ATG7: variants seen among roughly 807,000 people sequenced by gnomAD.
ATG7 encodes ubiquitin-like modifier-activating enzyme ATG7.
Under a neutral mutation model 82.4 loss-of-function variants are expected in ATG7, and 70 were observed. That is an observed-to-expected ratio of 0.85 (90% confidence interval 0.70 to 1.04). ATG7 has a LOEUF of 1.04. Ranked by LOEUF, ATG7 falls within the 50% of genes least tolerant of loss-of-function variation. ATG7 has a pLI of 0.00. For synonymous variants in ATG7, 287 were observed against 313.0 expected, an observed-to-expected ratio of 0.92 and a Z score of 0.88; for missense variants, 792 against 864.3, an observed-to-expected ratio of 0.92 and a Z score of 1.05.
At chr3:11,501,019 C>T (rs2091280885) in intron 20 of ATG7, among the ~76,000 whole-genome samples, 1 of 152,198 alleles carries the variant, frequency 6.6e-6, no homozygotes, top group African/African-American at 2.4e-5. Flanking sequence ...CTTTGGGAAG[C>T]CAAGGTGCGA....
At chr3:11,475,890 C>CACACAA (rs977429696) in intron 20 of ATG7, among the ~76,000 whole-genome samples, 10 of 151,180 alleles carry the variant, frequency 6.6e-5, no homozygotes, top group Middle Eastern at 3.4e-3. Flanking sequence ...CACACACACA[C>CACACAA]ACACACACAC....
At chr3:11,464,638 TA>T (rs1012407006) in intron 20 of ATG7, among the ~76,000 whole-genome samples, 1 of 152,238 alleles carries the variant, frequency 6.6e-6, no homozygotes, top group African/African-American at 2.4e-5. Flanking sequence ...ACCATTTAAT[TA>T]AATATCCCCC....
chr3:11,337,783 C>T (rs1952781593), intron 11 of ATG7, among the ~76,000 whole-genome samples: 1 of 151,916 alleles, frequency 6.6e-6, no homozygotes, highest in African/African-American at 2.4e-5. Flanking sequence ...AGACATGAGC[C>T]CAGCATCTGT....
At chr3:11,533,781 A>T (rs772118145) in intron 20 of ATG7, among the ~76,000 whole-genome samples, 1 of 152,190 alleles carries the variant, frequency 6.6e-6, no homozygotes, top group Admixed American at 6.5e-5. Flanking sequence ...ATTTATCAGC[A>T]GAGAAACAGA....
At chr3:11,573,959 C>T in the ATG7 span, among the ~76,000 whole-genome samples, 2 of 152,070 alleles carry the variant, frequency 1.3e-5, no homozygotes, top group African/African-American at 4.8e-5. Context: ...CAGACACATA[C>T]GGAGGGAAGA....
At chr3:11,390,584 C>G (rs752763424) in intron 19 of ATG7, among the ~76,000 whole-genome samples, 2 of 152,096 alleles carry the variant, frequency 1.3e-5, no homozygotes, top group Non-Finnish European at 2.9e-5. Flanking sequence ...TTGATCTGTT[C>G]TTCTTGGGAA....
At chr3:11,486,442 G>A in intron 20 of ATG7, among the ~76,000 whole-genome samples, 1 of 152,120 alleles carries the variant, frequency 6.6e-6, no homozygotes, top group East Asian at 1.9e-4. Flanking sequence ...TTTGGGCTGA[G>A]ACAATGGGGA....
chr3:11,529,912 A>G (rs373592704), intron 20 of ATG7, among the ~76,000 whole-genome samples: 6 of 152,106 alleles, frequency 3.9e-5, no homozygotes, highest in African/African-American at 1.2e-4. Context: ...TACTCACCCT[A>G]GCATGACCCA....
chr3:11,304,505 G>C, intron 5 of ATG7: 1 of 152,238 alleles, frequency 6.6e-6, no homozygotes, highest in East Asian at 1.9e-4. Flanking sequence ...GGTTCCCAGC[G>C]TTCCCTGTGG....
chr3:11,451,804 TTAAAAA>T (rs1487227481), intron 20 of ATG7, among the ~76,000 whole-genome samples: 2 of 1,718 alleles, frequency 1.2e-3, no homozygotes, highest in Non-Finnish European at 2.4e-3. Flanking sequence ...AAAAAACAAA[TTAAAAA>T]AACCCCAGGC....
intron 20 of ATG7, among the ~76,000 whole-genome samples, chr3:11,506,568 AAAAAAAAAAAAAAAAACCC>A (rs2091730559): frequency 7.7e-6 from 1 of 129,530 alleles, no homozygotes; most frequent in Non-Finnish European, 1.6e-5. Context: ...AAAAAAAAAA[AAAAAAAAAAAAAAAAACCC>A]AAAAATTAGC....
the ATG7 span, among the ~76,000 whole-genome samples, chr3:11,569,449 A>G: frequency 7.2e-5 from 11 of 152,224 alleles, no homozygotes; most frequent in South Asian, 2.1e-3. Context: ...AAAAACCAAC[A>G]TCCTGAGGCG....
In ATG7 at chr3:11,348,044, T is replaced by C; in HGVS notation, c.1284+9T>C. 1 of 1,609,652 alleles carries C rather than the reference T, an allele frequency of 6.2e-7. No individual in the cohort carries two copies. The highest frequency in any genetic ancestry group is 1.1e-5 in the South Asian group (1 of 90,656). On this transcript the variant is annotated intron_variant, in intron 14 of 20. Coordinates refer to ENST00000693202, the MANE Select transcript of ATG7 (RefSeq NM_001349232.2). ...AAATATTCCCCGGTGTGGTATGTTGTTGCTTTTGCAGAGGTTTTCTGTTAT... is the reference window on the plus strand; with the variant it reads ...AAATATTCCCCGGTGTGGTATGTTGCTGCTTTTGCAGAGGTTTTCTGTTAT...
At chr3:11,502,946 G>A (rs756250544) in intron 20 of ATG7, among the ~76,000 whole-genome samples, 23 of 152,106 alleles carry the variant, frequency 1.5e-4, no homozygotes, top group Non-Finnish European at 1.9e-4. Flanking sequence ...ACAGGCTTTT[G>A]GATTAGGATA....
At chr3:11,520,049 C>T (rs1008939751) in intron 20 of ATG7, among the ~76,000 whole-genome samples, 3 of 152,114 alleles carry the variant, frequency 2.0e-5, no homozygotes, top group Admixed American at 1.3e-4. Context: ...GGAGAGATCC[C>T]GTCCCATCCC....
At chr3:11,392,015 G>A (rs2078851865) in intron 19 of ATG7, among the ~76,000 whole-genome samples, 1 of 151,664 alleles carries the variant, frequency 6.6e-6, no homozygotes, top group Admixed American at 6.6e-5. Flanking sequence ...TAATTGGTTA[G>A]GCTCCTTCAG....
chr3:11,337,222 A>G (rs969956648), intron 11 of ATG7, among the ~76,000 whole-genome samples: 4 of 152,166 alleles, frequency 2.6e-5, no homozygotes, highest in Non-Finnish European at 2.9e-5. Flanking sequence ...TGGGAGGCCA[A>G]GGCAGGCGGA....
At chr3:11,355,096 TTGAC>T (rs1281111529) in intron 14 of ATG7, among the ~76,000 whole-genome samples, 1 of 152,196 alleles carries the variant, frequency 6.6e-6, no homozygotes, top group Non-Finnish European at 1.5e-5. Flanking sequence ...CCTTGAGTCT[TTGAC>T]TGAATAGCGA....
chr3:11,332,535 G>A (rs1163031876), intron 10 of ATG7, among the ~76,000 whole-genome samples: 1 of 152,196 alleles, frequency 6.6e-6, no homozygotes, highest in East Asian at 1.9e-4. Context: ...CAGGTGGTAA[G>A]TCTACACAGT....
Sources: gnomAD v4.1 joint callset for allele counts (sites outside exome capture counted in the v4.1 genomes callset) on GRCh38, gnomAD v4.1.1 for gene constraint, MANE v1.5 for transcripts, NCBI Gene and HGNC (gene_info 2026-07-23, HGNC 2026-07-21) for gene names.